PITPNM2: variants seen among roughly 807,000 people sequenced by gnomAD.
PITPNM2 encodes membrane-associated phosphatidylinositol transfer protein 2.
Under a neutral mutation model 132.2 loss-of-function variants are expected in PITPNM2, and 35 were observed. The ratio of observed to expected loss-of-function variants is 0.26; its 90% CI spans 0.20 to 0.35. The LOEUF is 0.35. Ranked by LOEUF, PITPNM2 falls within the 10% of genes least tolerant of loss-of-function variation. The pLI, the probability that PITPNM2 is intolerant of heterozygous loss-of-function variation, is 1.00. For missense variants in PITPNM2, 1,332 were observed against 1,912.0 expected, an observed-to-expected ratio of 0.70 and a Z score of 5.66; for synonymous variants, 738 against 799.2, an observed-to-expected ratio of 0.92 and a Z score of 1.29.
rs1296784397 is a variant in PITPNM2 at position 122,994,938 on chromosome 12, T to C, written c.2096A>G (p.His699Arg). ...ATCCAGCATGGTGGAGCTGCTGGAA[T>C]GGCGTGAGCAGGGCTCAGTCCTCAG... Reference protein sequence around the residue: ...SVLRTEPCSRHSSSSTMLDGT... With the variant: ...SVLRTEPCSRRSSSSTMLDGT... The change falls in exon 15 of 26, where the codon CAT (histidine) becomes CGT (arginine). Residue 699 changes from histidine (H) to arginine (R), a missense_variant. By Grantham distance (29) the His-to-Arg change is conservative (BLOSUM62 0). Coordinates refer to ENST00000320201, the MANE Select transcript of PITPNM2 (RefSeq NM_020845.3). The surrounding 1 kb of genome is among the most constrained non-coding windows in gnomAD (Gnocchi z 5.4). 3 of 1,611,304 alleles carry C rather than the reference T, an allele frequency of 1.9e-6. No homozygotes were observed. The African/African-American group carries it at 4.0e-5, about 22-fold the overall frequency.
intron 1 of PITPNM2, among the ~76,000 whole-genome samples, chr12:123,116,539 C>T (rs2042939055): frequency 6.6e-6 from 1 of 151,472 alleles, no homozygotes; most frequent in African/African-American, 2.4e-5. Context: ...GTCTCAGCTA[C>T]TCAGGAGGCC....
chr12:123,003,834 G>T (rs971837080), intron 8 of PITPNM2, among the ~76,000 whole-genome samples: 1 of 152,226 alleles, frequency 6.6e-6, no homozygotes, highest in Non-Finnish European at 1.5e-5. Flanking sequence ...AATGGCTGGG[G>T]CACCAAGCAG....
chr12:123,046,538 A>G (rs530573255), intron 2 of PITPNM2, among the ~76,000 whole-genome samples: 6 of 152,268 alleles, frequency 3.9e-5, no homozygotes, highest in Admixed American at 2.6e-4. Flanking sequence ...ATCTAATTCC[A>G]GAACATTTTC....
intron 16 of PITPNM2, among the ~76,000 whole-genome samples, chr12:122,991,298 G>A (rs1300905673): frequency 6.6e-6 from 1 of 152,252 alleles, no homozygotes; most frequent in African/African-American, 2.4e-5. Context: ...AGAACAGGGA[G>A]GATGGGGCTC....
rs767546685 is a variant in PITPNM2 at position 122,987,443 on chromosome 12, G to A, written c.3264-13C>T. 1.9e-6 allele frequency: 3 copies of A among 1,613,432 alleles called. No individual in the cohort carries two copies. Among genetic ancestry groups the A allele is most frequent in the Admixed American group, 3.3e-5 (2 of 59,984 alleles). On this transcript the variant is annotated splice_polypyrimidine_tract_variant and intron_variant, in intron 22 of 25. Transcript: ENST00000320201. Reference sequence around the variant, plus strand: ...CGTGTGGTCTCCCCTGGCAGGTGGTGGGGGTGCTCATCAGAACCACCCAGA... The same window carrying A: ...CGTGTGGTCTCCCCTGGCAGGTGGTAGGGGTGCTCATCAGAACCACCCAGA...
At position 123,009,130 on chromosome 12, in the gene PITPNM2, A is replaced by G. The variant is rs1019777585; in HGVS notation, c.643+720T>C. Among the ~76,000 whole-genome samples the G allele has an allele frequency of 6.6e-6, 1 of 152,226 alleles. No individual in the cohort carries two copies. The highest frequency in any genetic ancestry group is 2.4e-5 in the African/African-American group (1 of 41,448). On this transcript the variant is annotated intron_variant, in intron 6 of 25. Coordinates refer to ENST00000320201, the MANE Select transcript of PITPNM2 (RefSeq NM_020845.3). The surrounding 1 kb of genome is among the most constrained non-coding windows in gnomAD (Gnocchi z 4.8). ...ACAGTGTGGCTCTGTTCAATCTTAA[A>G]TAAAGTCACCCTTGCTCATGGCATC...
chr12:123,067,631 G>T (rs931828946), intron 2 of PITPNM2, among the ~76,000 whole-genome samples: 1 of 152,218 alleles, frequency 6.6e-6, no homozygotes, highest in Non-Finnish European at 1.5e-5. Flanking sequence ...GGCAAGGAAG[G>T]ATTCTCCTTG....
At chr12:123,133,873 C>T (rs2043318907) in intron 1 of PITPNM2, among the ~76,000 whole-genome samples, 1 of 152,008 alleles carries the variant, frequency 6.6e-6, no homozygotes, top group South Asian at 2.1e-4. Context: ...TCTCTATGTC[C>T]CCAGATCCAT....
intron 2 of PITPNM2, among the ~76,000 whole-genome samples, chr12:123,071,705 C>T (rs578167638): frequency 8.5e-4 from 130 of 152,364 alleles, no homozygotes; most frequent in Non-Finnish European, 1.5e-3. Flanking sequence ...GCTCCTGCGA[C>T]GAGGCAGGCA....
At chr12:123,100,381 T>G (rs890788770) in intron 2 of PITPNM2, among the ~76,000 whole-genome samples, 3 of 152,190 alleles carry the variant, frequency 2.0e-5, no homozygotes, top group Non-Finnish European at 4.4e-5. Context: ...ATCCCAGCAC[T>G]TTGGGAGGCC....
chr12:123,026,002 T>G (rs2039851078), intron 3 of PITPNM2, among the ~76,000 whole-genome samples: 1 of 152,152 alleles, frequency 6.6e-6, no homozygotes. Context: ...CAGACCTGTG[T>G]CATTCCAGAG....
At chr12:123,066,241 A>C (rs1242627020) in intron 2 of PITPNM2, among the ~76,000 whole-genome samples, 2 of 152,130 alleles carry the variant, frequency 1.3e-5, no homozygotes, top group African/African-American at 4.8e-5. Context: ...CTGGCCAGGA[A>C]GGAGGCCAAG....
intron 3 of PITPNM2, among the ~76,000 whole-genome samples, chr12:123,019,277 T>G (rs2039572769): frequency 6.6e-6 from 1 of 152,208 alleles, no homozygotes; most frequent in Non-Finnish European, 1.5e-5. Context: ...CTGAGGGGTT[T>G]GCTGAAGAAT....
intron 2 of PITPNM2, among the ~76,000 whole-genome samples, chr12:123,061,114 G>A (rs1029153060): frequency 3.3e-5 from 5 of 152,118 alleles, no homozygotes; most frequent in African/African-American, 4.8e-5. Context: ...CATCTACATA[G>A]GGCAGGGGTG....
chr12:123,100,072 A>T (rs2042522215), intron 2 of PITPNM2, among the ~76,000 whole-genome samples: 1 of 152,228 alleles, frequency 6.6e-6, no homozygotes, highest in Non-Finnish European at 1.5e-5. Flanking sequence ...TAAGGTCTGC[A>T]TTTCACAGAA....
intron 1 of PITPNM2, among the ~76,000 whole-genome samples, chr12:123,129,033 G>T (rs2043207264): frequency 6.6e-6 from 1 of 152,022 alleles, no homozygotes; most frequent in South Asian, 2.1e-4. Flanking sequence ...TACTCAGGAG[G>T]CTGAGGCAGA....
intron 1 of PITPNM2, among the ~76,000 whole-genome samples, chr12:123,137,805 A>T (rs1180381996): frequency 6.6e-6 from 1 of 151,590 alleles, no homozygotes; most frequent in African/African-American, 2.4e-5. Context: ...AGGCAGGAGA[A>T]TCACTTGAAC....
chr12:123,007,430 T>G, intron 6 of PITPNM2: 2 of 456,210 alleles, frequency 4.4e-6, no homozygotes, highest in Non-Finnish European at 8.8e-6. Context: ...GGGACAAACC[T>G]GGGAGAAGCA....
At chr12:123,054,319 A>G (rs1260440044) in intron 2 of PITPNM2, among the ~76,000 whole-genome samples, 2 of 152,100 alleles carry the variant, frequency 1.3e-5, no homozygotes, top group African/African-American at 4.8e-5. Context: ...AGGATTCTGC[A>G]TGATTTCTTA....
Sources: gnomAD v4.1 joint callset for allele counts (sites outside exome capture counted in the v4.1 genomes callset) on GRCh38, gnomAD v4.1.1 for gene constraint, Gnocchi (gnomAD v3.1) non-coding constraint, MANE v1.5 for transcripts, NCBI Gene and HGNC (gene_info 2026-07-23, HGNC 2026-07-21) for gene names.